VGF: variants seen among roughly 807,000 people sequenced by gnomAD.
VGF encodes VGF nerve growth factor inducible.
In VGF, 13 loss-of-function variants were observed where a neutral mutation model predicts 41.1. The observed-to-expected ratio is 0.32, with a 90% CI of 0.21 to 0.50. The LOEUF (loss-of-function observed/expected upper bound fraction) is 0.50. Ranked by LOEUF, VGF falls within the 20% of genes least tolerant of loss-of-function variation. VGF has a pLI of 0.98. For missense variants in VGF, 920 were observed against 882.1 expected, an observed-to-expected ratio of 1.04 and a Z score of -0.54; for synonymous variants, 473 against 418.3, an observed-to-expected ratio of 1.13 and a Z score of -1.60.
In VGF at chr7:101,163,800, AC is replaced by A; in HGVS notation, c.1043del (p.Gly348ValfsTer326). On this transcript the variant is annotated frameshift_variant, in exon 2 of 2. Coordinates refer to ENST00000249330, the MANE Select transcript of VGF (RefSeq NM_003378.4). LOFTEE classifies it high-confidence loss of function. The surrounding 1 kb of genome is among the most constrained non-coding windows in gnomAD (Gnocchi z 5.0). ...QGGARQRGLGGRGLQEAAEER... is the reference protein window; with the variant it reads ...QGGARQRGLGXRGLQEAAEER... ...CCTCCGCCGCCTCCTGCAGCCCCCG[AC>A]CCCCGAGGCCGCGCTGCCGGGCCCC... 6.5e-7 allele frequency: 1 copy of A among 1,527,612 alleles called. No individual in the cohort carries two copies. Among genetic ancestry groups the A allele is most frequent in the Non-Finnish European group, 8.8e-7 (1 of 1,142,434 alleles). The allele number at this position is 1,527,612 out of a possible 1,614,324, so 94.6% of individuals were successfully genotyped here.
At position 101,163,367 on chromosome 7, in the gene VGF, G is replaced by A. The variant is rs1452539458; in HGVS notation, c.1477C>T (p.Pro493Ser). The stretch of plus-strand genomic sequence containing the variant: ...GTGGGGGCGGGGGCGGCACGGGGGG[G>A]CGGCACGGGCTCGGGAGGGGCGTTC... ...KKNAPPEPVPPPRAAPAPTHV... is the reference protein window; with the variant it reads ...KKNAPPEPVPSPRAAPAPTHV... Residue 493 changes from proline (P) to serine (S), a missense_variant, in exon 2 of 2, where the codon CCC becomes TCC. Pro to Ser is a moderately conservative substitution (Grantham distance 74). Around this residue, in one of 3 missense-constraint regions of VGF, gnomAD observed 257 missense variants for 217.2 expected, o/e 1.18. Transcript: ENST00000249330. The surrounding 1 kb of genome is among the most constrained non-coding windows in gnomAD (Gnocchi z 5.0). 4.1e-6 allele frequency: 6 copies of A among 1,464,124 alleles called. No individual in the cohort carries two copies. Among genetic ancestry groups the A allele is most frequent in the South Asian group, 2.4e-5 (2 of 83,486 alleles). 90.7% of individuals were successfully genotyped at this position (1,464,124 alleles called of 1,614,324 possible). A position where few individuals can be genotyped will look rare whatever the true frequency, so the allele number is the denominator to read the frequency against.
chr7:101,169,733 A>G (rs1416397857), upstream of VGF, among the ~76,000 whole-genome samples: 2 of 152,130 alleles, frequency 1.3e-5, no homozygotes, highest in African/African-American at 4.8e-5. Flanking sequence ...ACATAGTAAC[A>G]TATCAAGCAT....
chr7:101,167,702 G>A (rs2898568), upstream of VGF, among the ~76,000 whole-genome samples: 120,046 of 152,124 alleles, frequency 0.79, 47,635 homozygotes, highest in African/African-American at 0.85. This position sits in a 1 kb window ranked among gnomAD's most constrained non-coding sequence, Gnocchi z 4.2. Context: ...GAGAGAAGAC[G>A]GGCACCTGGA....
upstream of VGF, among the ~76,000 whole-genome samples, chr7:101,169,131 A>G (rs925702332): frequency 6.6e-6 from 1 of 151,970 alleles, no homozygotes. Flanking sequence ...CCTGATTTTT[A>G]GTCCTGAGGT....
chr7:101,169,269 A>T (rs1235108610), upstream of VGF, among the ~76,000 whole-genome samples: 3 of 150,650 alleles, frequency 2.0e-5, no homozygotes, highest in Non-Finnish European at 2.9e-5. Flanking sequence ...ATGGGGAGAG[A>T]CACGAAGAGA....
Position 101,164,602 on chromosome 7 carries a change from G to A in VGF, c.242C>T (p.Ala81Val), listed in dbSNP as rs369897306. ...TGCCTGCAGCAGCACCGCGGCCAGCGCCCGGGGATCCACGCCCTGGAAAAG... is the reference window on the plus strand; with the variant it reads ...TGCCTGCAGCAGCACCGCGGCCAGCACCCGGGGATCCACGCCCTGGAAAAG... ...GELFQGVDPR[A>V]LAAVLLQALD... is the part of the protein sequence containing the mutation. The change falls in exon 2 of 2, where the codon GCG (alanine) becomes GTG (valine). Residue 81 changes from alanine to valine, a missense_variant. By Grantham distance (64) the Ala-to-Val change is moderately conservative (BLOSUM62 0). Around this residue, in one of 3 missense-constraint regions of VGF, gnomAD observed 654 missense variants for 638.4 expected, o/e 1.02. Transcript: ENST00000249330. The A allele has an allele frequency of 5.6e-5, 89 of 1,598,874 alleles. No individual in the cohort carries two copies. Among genetic ancestry groups the A allele is most frequent in the Admixed American group, 6.8e-5 (4 of 58,538 alleles).
intron 1 of VGF, 134 bp downstream of exon 1, chr7:101,165,240 C>A (rs1233400365): frequency 1.0e-6 from 1 of 996,396 alleles, no homozygotes; most frequent in Non-Finnish European, 1.2e-6. Flanking sequence ...GCTGCGACTC[C>A]CCCGTTTACC....
chr7:101,162,771 G>C lies in VGF; in HGVS notation c.*225C>G, dbSNP rs1175161565. 2 of 636,324 alleles carry C rather than the reference G, an allele frequency of 3.1e-6. No homozygotes were observed. Among genetic ancestry groups the C allele is most frequent in the Non-Finnish European group, 5.8e-6 (2 of 343,104 alleles). 39.4% of individuals were successfully genotyped at this position (636,324 alleles called of 1,614,324 possible). On this transcript the variant is annotated 3_prime_UTR_variant, in exon 2 of 2. Coordinates refer to ENST00000249330, the MANE Select transcript of VGF (RefSeq NM_003378.4). This position sits in a 1 kb window ranked among gnomAD's most constrained non-coding sequence, Gnocchi z 4.2. ...GCAAGGGAACTCGCACAAACCACCC[G>C]CCCTCCTGGGCTGGCCCCCGGTCAC... is the stretch of plus-strand genomic sequence containing the variant.
chr7:101,164,816 C>T lies in VGF; in HGVS notation c.28G>A (p.Ala10Thr), dbSNP rs1797192183. 1.3e-6 allele frequency: 2 copies of T among 1,567,662 alleles called. No individual in the cohort carries two copies. Among genetic ancestry groups the T allele is most frequent in the African/African-American group, 1.4e-5 (1 of 73,110 alleles). MKALRLSAS[A>T]LFCLLLINGL... ...TTGATCAGCAGAAGGCAGAAGAGGG[C>T]GGAAGCCGACAATCTGAGGGCTTTC... Residue 10 changes from alanine (A) to threonine (T), a missense_variant, in exon 2 of 2, where the codon GCC (alanine) becomes ACC (threonine). Ala to Thr is a moderately conservative substitution (Grantham distance 58). Coordinates refer to ENST00000249330, the MANE Select transcript of VGF (RefSeq NM_003378.4).
At position 101,163,515 on chromosome 7, in the gene VGF, G is replaced by A. The variant is rs201606198; in HGVS notation, c.1329C>T (p.Asp443=). The change falls in exon 2 of 2, where the codon GAC becomes GAT. Residue 443 remains aspartate (D), a synonymous_variant. Transcript: ENST00000249330. This position sits in a 1 kb window ranked among gnomAD's most constrained non-coding sequence, Gnocchi z 5.0. ...EGTEEGGEEE[D]DEEMDPQTID... is the part of the protein sequence containing the mutation. ...TCGTCTGCGGATCCATCTCCTCGTC[G>A]TCCTCCTCCTCCCCGCCCTCCTCTG... 370 of 1,610,918 alleles carry A rather than the reference G, an allele frequency of 2.3e-4. No individual in the cohort carries two copies. The highest frequency in any genetic ancestry group is 4.0e-4 in the Admixed American group (24 of 59,810).
chr7:101,165,647 C>T, upstream of VGF: 4 of 985,378 alleles, frequency 4.1e-6, no homozygotes, highest in Non-Finnish European at 3.6e-6. Context: ...CCATTGACGT[C>T]AATGTTCATT....
upstream of VGF, among the ~76,000 whole-genome samples, chr7:101,168,822 C>G (rs887880548): frequency 6.6e-6 from 1 of 152,072 alleles, no homozygotes; most frequent in African/African-American, 2.4e-5. Context: ...CCGAAGCTCA[C>G]CGGTCCCCTC....
In VGF at chr7:101,164,418, A is replaced by C. The variant is rs777969426; in HGVS notation, c.426T>G (p.Thr142=). ...CGCTCGCCTCGGGCCCATTCTCCGG[A>C]GTCTGAGGGCGAGGCGGAGCCGCGG... ...PEPAAPPRPQ[T]PENGPEASDP... is the part of the protein sequence containing the mutation. The change falls in exon 2 of 2, where the codon ACT becomes ACG. Residue 142 remains threonine, a synonymous_variant. Coordinates refer to ENST00000249330, the MANE Select transcript of VGF (RefSeq NM_003378.4). 1.2e-6 allele frequency: 2 copies of C among 1,608,692 alleles called. No individual in the cohort carries two copies. The highest frequency in any genetic ancestry group is 2.2e-5 in the East Asian group (1 of 44,796).
chr7:101,166,257 A>T (rs1295355790), upstream of VGF, among the ~76,000 whole-genome samples: 1 of 152,234 alleles, frequency 6.6e-6, no homozygotes, highest in Non-Finnish European at 1.5e-5. Context: ...GAAGGGTCCG[A>T]GTCGGAAGAG....
In VGF at chr7:101,162,932, A is replaced by T; in HGVS notation, c.*64T>A. 1 of 784,388 alleles carries T rather than the reference A, an allele frequency of 1.3e-6. No homozygotes were observed. Among genetic ancestry groups the T allele is most frequent in the Non-Finnish European group, 1.8e-6 (1 of 562,366 alleles). The allele number at this position is 784,388 out of a possible 1,614,324, so 48.6% of individuals were successfully genotyped here. The stretch of plus-strand genomic sequence containing the variant: ...CAAACACCGAGGGGGAGCGGGCAAC[A>T]CGGAGGGGGGCGCCGGCGCGCGCGC... On this transcript the variant is annotated 3_prime_UTR_variant, in exon 2 of 2. Transcript: ENST00000249330. The surrounding 1 kb of genome is among the most constrained non-coding windows in gnomAD (Gnocchi z 4.2).
chr7:101,163,700 C>T lies in VGF; in HGVS notation c.1144G>A (p.Asp382Asn). ...GCCTCCGCCTCGGCCGCCTCCTCAT[C>T]CTCTTCCCCCACCCTCTCCTCCCCG... ...RGGEERVGEE[D>N]EEAAEAEAEA... The change falls in exon 2 of 2, where the codon GAT becomes AAT. Residue 382 changes from aspartate (D) to asparagine (N), a missense_variant. Around this residue, in one of 3 missense-constraint regions of VGF, gnomAD observed 654 missense variants for 638.4 expected, o/e 1.02. Coordinates refer to ENST00000249330, the MANE Select transcript of VGF (RefSeq NM_003378.4). This position sits in a 1 kb window ranked among gnomAD's most constrained non-coding sequence, Gnocchi z 5.0. The T allele has an allele frequency of 1.3e-6, 2 of 1,536,522 alleles. No individual in the cohort carries two copies. The highest frequency in any genetic ancestry group is 2.4e-5 in the South Asian group (2 of 84,034).
In VGF at chr7:101,164,634, C is replaced by T; in HGVS notation, c.210G>A (p.Glu70=). ...GATCCACGCCCTGGAAAAGCTCTCC[C>T]TCGTCCTGCGGCTCGGAATTCCGAG... ...RGARNSEPQD[E]GELFQGVDPR... is the part of the protein sequence containing the mutation. The change falls in exon 2 of 2, where the codon GAG becomes GAA. Residue 70 remains glutamate (E), a synonymous_variant. Coordinates refer to ENST00000249330, the MANE Select transcript of VGF (RefSeq NM_003378.4). The T allele has an allele frequency of 6.3e-7, 1 of 1,596,784 alleles. No individual in the cohort carries two copies. The highest frequency in any genetic ancestry group is 1.3e-5 in the African/African-American group (1 of 74,770).
Position 101,163,293 on chromosome 7 carries a change from T to G in VGF, c.1551A>C (p.Arg517=). 2 of 1,245,630 alleles carry G rather than the reference T, an allele frequency of 1.6e-6. No individual in the cohort carries two copies. Among genetic ancestry groups the G allele is most frequent in the Non-Finnish European group, 2.0e-6 (2 of 985,078 alleles). 77.2% of individuals were successfully genotyped at this position (1,245,630 alleles called of 1,614,324 possible). The part of the protein sequence containing the change: ...QPPPPAPAPA[R]DELPDWNEVL... ...CCTCGTTCCAGTCCGGCAGCTCGTC[T>G]CGTGCGGGAGCGGGGGCGGGGGGCG... is the stretch of plus-strand genomic sequence containing the variant. The change falls in exon 2 of 2, where the codon CGA becomes CGC. Residue 517 remains arginine (R), a synonymous_variant. Coordinates refer to ENST00000249330, the MANE Select transcript of VGF (RefSeq NM_003378.4). The surrounding 1 kb of genome is among the most constrained non-coding windows in gnomAD (Gnocchi z 5.0).
chr7:101,165,564 C>A lies in VGF; in HGVS notation c.-211G>T. 2 of 985,450 alleles carry A rather than the reference C, an allele frequency of 2.0e-6. No homozygotes were observed. Among genetic ancestry groups the A allele is most frequent in the African/African-American group, 3.5e-5 (2 of 57,372 alleles). The allele number at this position is 985,450 out of a possible 1,614,324, so 61.0% of individuals were successfully genotyped here. A position where few individuals can be genotyped will look rare whatever the true frequency, so the allele number is the denominator to read the frequency against. Reference sequence around the variant, plus strand: ...GGCGGCTAGCTCGCTCCGGCTTCAGCACGCTGGACAGCGCCCGCGCCTCCA... The same window carrying A: ...GGCGGCTAGCTCGCTCCGGCTTCAGAACGCTGGACAGCGCCCGCGCCTCCA... On this transcript the variant is annotated 5_prime_UTR_variant, in exon 1 of 2. Transcript: ENST00000249330.
Sources: gnomAD v4.1 joint callset for allele counts (sites outside exome capture counted in the v4.1 genomes callset) on GRCh38, gnomAD v4.1.1 for gene constraint, gnomAD v4.1.1 regional missense constraint, Gnocchi (gnomAD v3.1) non-coding constraint, MANE v1.5 for transcripts, NCBI Gene and HGNC (gene_info 2026-07-23, HGNC 2026-07-21) for gene names.